The following CNKSR2 variants were observed in gnomAD, a reference collection of about 807,000 sequenced individuals.
CNKSR2 encodes the protein connector enhancer of kinase suppressor of Ras 2, also known as CNK homolog protein 2.
In CNKSR2, 14 loss-of-function variants were observed where a neutral mutation model predicts 84.4. That is an observed-to-expected ratio of 0.17 (90% CI 0.11 to 0.26). CNKSR2 has a LOEUF of 0.26. Among genes scored for constraint, CNKSR2 ranks in the 10% least tolerant of loss-of-function variants. The probability of loss-of-function intolerance (pLI) is 1.00; values close to 1 mark genes in which losing one functional copy is unlikely to be tolerated. For missense variants in CNKSR2, 485 were observed against 771.2 expected (o/e 0.63, Z 4.40); for synonymous variants, 275 against 277.9 (o/e 0.99, Z 0.10).
chrX:21,395,600 A>G (rs961484358), intron 1 of CNKSR2, among the ~76,000 whole-genome samples: 5 of 110,606 alleles, frequency 4.5e-5, no homozygotes, highest in East Asian at 5.6e-4. Context: ...TGTCAGGGTT[A>G]CCTATGGTAG....
At chrX:21,457,545 G>A (rs894321620) in intron 4 of CNKSR2, among the ~76,000 whole-genome samples, 1 of 111,645 alleles carries the variant, frequency 9.0e-6, no homozygotes, top group Non-Finnish European at 1.9e-5. Context: ...GATATTTTTT[G>A]TTAAACATCA....
At chrX:21,396,824 A>T (rs2090128332) in intron 1 of CNKSR2, among the ~76,000 whole-genome samples, 1 of 111,696 alleles carries the variant, frequency 9.0e-6, no homozygotes, top group South Asian at 3.7e-4. Context: ...TAGTATGGCA[A>T]ATAACTCAGT....
At chrX:21,504,600 CTA>C (rs1174484610) in intron 8 of CNKSR2, 14 of 261,571 alleles carry the variant, frequency 5.4e-5, no homozygotes, top group Non-Finnish European at 8.1e-5. Flanking sequence ...CCCTAAGAGT[CTA>C]AGAAAGTTGA....
chrX:21,642,826 G>A, intron 20 of CNKSR2: 2 of 740,982 alleles, frequency 2.7e-6, no homozygotes, highest in South Asian at 6.9e-5. Flanking sequence ...CTCACAAATG[G>A]AATTTGTGTC....
chrX:21,546,078 C>T (rs2092022643), intron 11 of CNKSR2, among the ~76,000 whole-genome samples: 2 of 110,499 alleles, frequency 1.8e-5, no homozygotes, highest in Non-Finnish European at 3.8e-5. Flanking sequence ...ATGAGTTTGA[C>T]AAGTTGACAG....
chrX:21,613,842 G>A (rs2092562798), intron 20 of CNKSR2, among the ~76,000 whole-genome samples: 1 of 108,584 alleles, frequency 9.2e-6, no homozygotes, highest in Non-Finnish European at 1.9e-5. Flanking sequence ...AGGTGGCTGA[G>A]ACGGGAGAAT....
intron 20 of CNKSR2, among the ~76,000 whole-genome samples, chrX:21,621,906 G>T (rs1195388211): frequency 9.0e-6 from 1 of 111,118 alleles, no homozygotes; most frequent in East Asian, 2.8e-4. Context: ...ATTTATATCA[G>T]GTTTATCAAT....
rs758813728 is a variant in CNKSR2 at position 21,430,675 on chromosome X, A to C, written c.229-1937A>C. On this transcript the variant is annotated intron_variant, in intron 2 of 21. Coordinates refer to ENST00000379510, the MANE Select transcript of CNKSR2 (RefSeq NM_014927.5). ...AACTTCTGAAAATACTTTGCTTTTC[A>C]GTATTTTCATTTACAATTACATTTA... 1.1e-4 allele frequency among the ~76,000 whole-genome samples: 12 copies of C among 112,384 alleles called. No homozygotes were observed. The South Asian group carries it at 2.5e-3, about 24-fold the overall frequency.
chrX:21,479,546 C>T (rs2147161467), intron 5 of CNKSR2, among the ~76,000 whole-genome samples: 1 of 111,167 alleles, frequency 9.0e-6, no homozygotes, highest in Non-Finnish European at 1.9e-5. Flanking sequence ...AGAAGCCACA[C>T]AGTAACTTAA....
chrX:21,577,093 G>A (rs2092323990), intron 13 of CNKSR2, among the ~76,000 whole-genome samples: 1 of 111,872 alleles, frequency 8.9e-6, no homozygotes, highest in Non-Finnish European at 1.9e-5. Context: ...TTGTTTAAAT[G>A]TTTAGAAATT....
chrX:21,638,422 T>G (rs911601609), intron 20 of CNKSR2, among the ~76,000 whole-genome samples: 4 of 112,356 alleles, frequency 3.6e-5, no homozygotes, highest in Non-Finnish European at 7.5e-5. Context: ...AGATTTCCTA[T>G]GCAAATTCAA....
chrX:21,634,994 CA>C (rs2092663725), intron 20 of CNKSR2, among the ~76,000 whole-genome samples: 1 of 106,215 alleles, frequency 9.4e-6, no homozygotes, highest in Non-Finnish European at 1.9e-5. Flanking sequence ...AGAAGAATAT[CA>C]TTCAGTATTA....
chrX:21,537,772 T>C, intron 11 of CNKSR2: 1 of 108,767 alleles, frequency 9.2e-6, no homozygotes. Context: ...GTATGCAGTA[T>C]AGAGTTGGGT....
At chrX:21,601,469 C>T (rs2092481907) in intron 18 of CNKSR2, 120 bp downstream of exon 18, 1 of 453,696 alleles carries the variant, frequency 2.2e-6, no homozygotes. Context: ...TATTTCTCTT[C>T]TAGGCACTTA....
chrX:21,627,770 C>T (rs1363344470), intron 20 of CNKSR2, among the ~76,000 whole-genome samples: 1 of 111,541 alleles, frequency 9.0e-6, no homozygotes, highest in Non-Finnish European at 1.9e-5. Flanking sequence ...GTCCCTCCCA[C>T]AACCCATGGG....
At chrX:21,399,740 ATAAC>A (rs933614242) in intron 1 of CNKSR2, among the ~76,000 whole-genome samples, 10 of 111,535 alleles carry the variant, frequency 9.0e-5, no homozygotes, top group African/African-American at 3.3e-4. Flanking sequence ...TGACTATTGT[ATAAC>A]TAACTACCAC....
intron 11 of CNKSR2, among the ~76,000 whole-genome samples, chrX:21,552,134 G>C (rs761768783): frequency 9.1e-6 from 1 of 110,493 alleles, no homozygotes; most frequent in Non-Finnish European, 1.9e-5. Flanking sequence ...TGGTAGCTAG[G>C]TAAAGTTTAA....
chrX:21,615,430 C>T (rs2092572486), intron 20 of CNKSR2, among the ~76,000 whole-genome samples: 1 of 111,573 alleles, frequency 9.0e-6, no homozygotes, highest in Non-Finnish European at 1.9e-5. Context: ...CAGTTCAAAT[C>T]CTTGCTTTGT....
At chrX:21,462,995 C>T (rs1382398614) in intron 4 of CNKSR2, among the ~76,000 whole-genome samples, 3 of 110,673 alleles carry the variant, frequency 2.7e-5, no homozygotes, top group African/African-American at 9.9e-5. Flanking sequence ...CATGAGCCAC[C>T]GAGTCCGGCT....
Sources: gnomAD v4.1 joint callset for allele counts (sites outside exome capture counted in the v4.1 genomes callset) on GRCh38, gnomAD v4.1.1 for gene constraint, MANE v1.5 for transcripts, NCBI Gene and HGNC (gene_info 2026-07-23, HGNC 2026-07-21) for gene names.